CACNA2D1: variants seen among roughly 807,000 people sequenced by gnomAD.
CACNA2D1 encodes calcium voltage-gated channel auxiliary subunit alpha2delta 1.
Under a neutral mutation model 171.5 loss-of-function variants are expected in CACNA2D1, and 53 were observed. That is an observed-to-expected ratio of 0.31 (90% CI 0.25 to 0.39). The LOEUF is 0.39. CACNA2D1 is among the 10% of genes least tolerant of loss of function. The pLI is 1.00. For synonymous variants in CACNA2D1, 442 were observed against 443.1 expected, an observed-to-expected ratio of 1.00 and a Z score of 0.03; for missense variants, 903 against 1,299.8, an observed-to-expected ratio of 0.69 and a Z score of 4.69.
chr7:82,435,837 G>T (rs148206809), intron 1 of CACNA2D1, among the ~76,000 whole-genome samples: 12 of 152,206 alleles, frequency 7.9e-5, no homozygotes, highest in Middle Eastern at 3.4e-3. Flanking sequence ...AAATGTCGAT[G>T]TAATATGAGC....
chr7:82,214,520 T>A (rs954418327), intron 3 of CACNA2D1, among the ~76,000 whole-genome samples: 1 of 151,146 alleles, frequency 6.6e-6, no homozygotes, highest in African/African-American at 2.4e-5. Flanking sequence ...AGGACCTCAA[T>A]CCTCAAAGAA....
chr7:82,349,256 G>C (rs953501109), intron 2 of CACNA2D1, among the ~76,000 whole-genome samples: 1 of 152,164 alleles, frequency 6.6e-6, no homozygotes, highest in Non-Finnish European at 1.5e-5. Context: ...CTGAAGAATG[G>C]AAACATTATA....
intron 1 of CACNA2D1, among the ~76,000 whole-genome samples, chr7:82,369,119 T>C (rs747173797): frequency 3.9e-5 from 6 of 152,096 alleles, no homozygotes; most frequent in Non-Finnish European, 8.8e-5. Context: ...GTAAATCCCT[T>C]TAGGATGCTA....
chr7:82,248,739 A>G (rs1226628647), intron 3 of CACNA2D1, among the ~76,000 whole-genome samples: 1 of 152,094 alleles, frequency 6.6e-6, no homozygotes, highest in African/African-American at 2.4e-5. Flanking sequence ...ACCATTGGGG[A>G]AGAATAGATG....
chr7:82,329,058 AT>A (rs1816977023), intron 3 of CACNA2D1, among the ~76,000 whole-genome samples: 1 of 152,114 alleles, frequency 6.6e-6, no homozygotes, highest in East Asian at 1.9e-4. Flanking sequence ...AGAAAGCTAC[AT>A]TTTTCTAAAA....
chr7:82,441,941 T>C (rs1014112577), intron 1 of CACNA2D1, among the ~76,000 whole-genome samples: 2 of 152,222 alleles, frequency 1.3e-5, no homozygotes, highest in African/African-American at 4.8e-5. Flanking sequence ...ATTCTTACTC[T>C]TTTTATGTTT....
At chr7:82,383,599 C>T (rs1039175596) in intron 1 of CACNA2D1, among the ~76,000 whole-genome samples, 2 of 152,102 alleles carry the variant, frequency 1.3e-5, no homozygotes, top group Non-Finnish European at 2.9e-5. Flanking sequence ...CAAATATGCT[C>T]AAAAAGGTAC....
chr7:82,291,663 T>A (rs11761052), intron 3 of CACNA2D1, among the ~76,000 whole-genome samples: 57,870 of 132,736 alleles, frequency 0.44, 11,906 homozygotes, highest in African/African-American at 0.47. Context: ...ATATATATAT[T>A]TTTTTTTCTT....
intron 26 of CACNA2D1, 55 bp from the exon 27 acceptor site, chr7:81,970,792 A>C: frequency 9.8e-7 from 1 of 1,017,600 alleles, no homozygotes; most frequent in Non-Finnish European, 1.6e-6. Flanking sequence ...CTAAAAAACA[A>C]AGTTAGGTGT....
At chr7:82,001,982 A>G (rs1798648697) in intron 18 of CACNA2D1, among the ~76,000 whole-genome samples, 1 of 140,674 alleles carries the variant, frequency 7.1e-6, no homozygotes. Flanking sequence ...AAGTGGGAAA[A>G]ATGGTTGTTT....
chr7:81,973,384 C>T (rs1795495580), intron 25 of CACNA2D1, among the ~76,000 whole-genome samples: 1 of 152,036 alleles, frequency 6.6e-6, no homozygotes, highest in Non-Finnish European at 1.5e-5. Flanking sequence ...CAGAGTGGCT[C>T]ACTGAAGCCG....
chr7:82,197,655 T>C (rs1007727043), intron 3 of CACNA2D1, among the ~76,000 whole-genome samples: 1 of 152,134 alleles, frequency 6.6e-6, no homozygotes, highest in African/African-American at 2.4e-5. Context: ...TTACGTGGCA[T>C]GTGCCTCAGG....
intron 3 of CACNA2D1, among the ~76,000 whole-genome samples, chr7:82,218,646 A>G (rs1801435042): frequency 1.3e-5 from 2 of 152,174 alleles, no homozygotes; most frequent in Admixed American, 1.3e-4. Flanking sequence ...AACTTCTAAT[A>G]TTGACTAAAA....
chr7:82,128,226 G>T (rs1790564473), intron 5 of CACNA2D1, among the ~76,000 whole-genome samples: 1 of 151,920 alleles, frequency 6.6e-6, no homozygotes, highest in Non-Finnish European at 1.5e-5. Context: ...CACAACGCCT[G>T]GCCGCTACCT....
At chr7:82,408,085 A>G (rs1185349551) in intron 1 of CACNA2D1, among the ~76,000 whole-genome samples, 1 of 148,794 alleles carries the variant, frequency 6.7e-6, no homozygotes, top group Admixed American at 6.8e-5. Context: ...CAGTGGCATG[A>G]TCTTGGCTCA....
intron 1 of CACNA2D1, among the ~76,000 whole-genome samples, chr7:82,420,489 A>T (rs2129457060): frequency 6.6e-6 from 1 of 152,282 alleles, no homozygotes; most frequent in African/African-American, 2.4e-5. Flanking sequence ...CCACCCTTAA[A>T]TATGAAACTT....
intron 7 of CACNA2D1, among the ~76,000 whole-genome samples, chr7:82,078,342 T>C (rs1809269836): frequency 6.6e-6 from 1 of 152,146 alleles, no homozygotes; most frequent in Admixed American, 6.5e-5. Context: ...GAACCACTGA[T>C]TCCTAATAAC....
In CACNA2D1 at chr7:81,991,219, A is replaced by T; in HGVS notation, c.1762T>A (p.Tyr588Asn). The T allele has an allele frequency of 6.5e-7, 1 of 1,538,822 alleles. No individual in the cohort carries two copies. Among genetic ancestry groups the T allele is most frequent in the Non-Finnish European group, 9.0e-7 (1 of 1,111,754 alleles). ...GTGCCATTGACAGGTGTCCATGTGT[A>T]TGTCCTGTTTCCTTTGTCAATATAT... ...ERYIDKGNRT[Y>N]TWTPVNGTDY... The change falls in exon 21 of 39, where the codon TAC (tyrosine) becomes AAC (asparagine). Residue 588 changes from tyrosine to asparagine, a missense_variant. Tyr to Asn is a moderately radical substitution (Grantham distance 143). Around this residue, in one of 5 missense-constraint regions of CACNA2D1, gnomAD observed 623 missense variants for 925.5 expected, o/e 0.67. Transcript: ENST00000356860.
chr7:82,098,531 T>G (rs959642994), intron 6 of CACNA2D1, among the ~76,000 whole-genome samples: 1 of 152,174 alleles, frequency 6.6e-6, no homozygotes, highest in Non-Finnish European at 1.5e-5. Context: ...ATGCTTGCTG[T>G]GCACTTGGAG....
Sources: gnomAD v4.1 joint callset for allele counts (sites outside exome capture counted in the v4.1 genomes callset) on GRCh38, gnomAD v4.1.1 for gene constraint, gnomAD v4.1.1 regional missense constraint, MANE v1.5 for transcripts, NCBI Gene and HGNC (gene_info 2026-07-23, HGNC 2026-07-21) for gene names.